TRIM15: variants seen among roughly 807,000 people sequenced by gnomAD.
The protein encoded by TRIM15 is tripartite motif containing 15.
A neutral mutation model predicts 35.8 loss-of-function variants in TRIM15; 35 were observed. The ratio of observed to expected loss-of-function variants is 0.98; its 90% confidence interval spans 0.75 to 1.30. The LOEUF (loss-of-function observed/expected upper bound fraction) is 1.30. Ranked by LOEUF, TRIM15 falls within the 50% of genes most tolerant of loss-of-function variation. The pLI, the probability that TRIM15 is intolerant of heterozygous loss-of-function variation, is 0.00. For missense variants in TRIM15, 590 were observed against 593.5 expected (o/e 0.99, Z 0.06); for synonymous variants, 252 against 249.8 (o/e 1.01, Z -0.08).
Position 30,171,976 on chromosome 6 carries a change from C to T in TRIM15, c.1025C>T (p.Pro342Leu), listed in dbSNP as rs1774053658. The change falls in exon 7 of 7, where the codon CCG becomes CTG. Residue 342 changes from proline (P) to leucine (L), a missense_variant. Transcript: ENST00000376694. ...FDGLPAVLGF[P>L]GFSSGRHRWQ... ...GGCCTCCCGGCGGTTCTGGGCTTCC[C>T]GGGCTTCTCCTCCGGGCGCCACCGC... 4 of 1,588,124 alleles carry T rather than the reference C, an allele frequency of 2.5e-6. No individual in the cohort carries two copies. Among genetic ancestry groups the T allele is most frequent in the Non-Finnish European group, 3.4e-6 (4 of 1,166,960 alleles).
At position 30,163,903 on chromosome 6, in the gene TRIM15, G is replaced by A. The variant is rs768458569; in HGVS notation, c.219G>A (p.Val73=). ...AGGCAGAGACTCCCATGGCCCCTGTGCCCCTGGGCCCGCTGGGAGAAACTT... is the reference window on the plus strand; with the variant it reads ...AGGCAGAGACTCCCATGGCCCCTGTACCCCTGGGCCCGCTGGGAGAAACTT... ...EEQAETPMAP[V]PLGPLGETYC... is the part of the protein sequence containing the mutation. The change falls in exon 1 of 7, where the codon GTG becomes GTA. Residue 73 remains valine, a synonymous_variant. Transcript: ENST00000376694. 12 of 1,612,972 alleles carry A rather than the reference G, an allele frequency of 7.4e-6. No individual in the cohort carries two copies. The highest frequency in any genetic ancestry group is 1.0e-5 in the Non-Finnish European group (12 of 1,180,038).
rs1023065421 is a variant in TRIM15 at position 30,167,267 on chromosome 6, T to C, written c.473T>C (p.Leu158Pro). 5.6e-6 allele frequency: 9 copies of C among 1,612,504 alleles called. No individual in the cohort carries two copies. Among genetic ancestry groups the C allele is most frequent in the African/African-American group, 2.7e-5 (2 of 74,934 alleles). Residue 158 changes from leucine to proline, a missense_variant, in exon 2 of 7, where the codon CTG (leucine) becomes CCG (proline). By Grantham distance (98) the Leu-to-Pro change is moderately conservative (BLOSUM62 -3). Transcript: ENST00000376694. ...KCQEDQKLQV[L>P]LTQIESKKHQ... is the part of the protein sequence containing the mutation. Reference sequence around the variant, plus strand: ...CAAGAAGACCAGAAGCTTCAAGTGCTGCTGGTACAGGCCACGTCACTGGCT... The same window carrying C: ...CAAGAAGACCAGAAGCTTCAAGTGCCGCTGGTACAGGCCACGTCACTGGCT...
chr6:30,164,090 G>A, intron 1 of TRIM15, 25 bp downstream of exon 1: 1 of 1,594,040 alleles, frequency 6.3e-7, no homozygotes, highest in Non-Finnish European at 8.6e-7. Flanking sequence ...TTTACCTAGG[G>A]CCTGTTTGGG....
In TRIM15 at chr6:30,163,746, G is replaced by T. The variant is rs373721924; in HGVS notation, c.62G>T (p.Gly21Val). Residue 21 changes from glycine to valine, a missense_variant, in exon 1 of 7, where the codon GGG (glycine) becomes GTG (valine). Gly to Val is a moderately radical substitution (Grantham distance 109). Coordinates refer to ENST00000376694, the MANE Select transcript of TRIM15 (RefSeq NM_033229.3). ...CTGCCTGCCTGTACCCTCTGTGCGG[G>T]GCCGCTGGAGGATGCGGTGACCATT... ...HELPACTLCA[G>V]PLEDAVTIPC... 8 of 1,612,866 alleles carry T rather than the reference G, an allele frequency of 5.0e-6. No individual in the cohort carries two copies. Among genetic ancestry groups the T allele is most frequent in the Non-Finnish European group, 6.8e-6 (8 of 1,180,026 alleles).
At chr6:30,170,877 GTCC>G in intron 5 of TRIM15, 96 bp from the exon 6 acceptor site, 1 of 1,379,800 alleles carries the variant, frequency 7.2e-7, no homozygotes, top group Non-Finnish European at 1.0e-6. Flanking sequence ...CGAGTCTTCT[GTCC>G]TCATCTTCAC....
intron 2 of TRIM15, 53 bp from the exon 3 acceptor site, chr6:30,168,247 G>A: frequency 6.7e-7 from 1 of 1,498,664 alleles, no homozygotes; most frequent in Non-Finnish European, 9.1e-7. Context: ...TGATCATCCT[G>A]GAAGCTATCT....
intron 1 of TRIM15, among the ~76,000 whole-genome samples, chr6:30,166,761 G>T (rs1303541041): frequency 6.6e-6 from 1 of 152,184 alleles, no homozygotes; most frequent in Non-Finnish European, 1.5e-5. Context: ...CCATTTGTCT[G>T]TGTTCTCTCT....
chr6:30,166,557 T>C (rs1471681816), intron 1 of TRIM15, among the ~76,000 whole-genome samples: 1 of 152,088 alleles, frequency 6.6e-6, no homozygotes, highest in Non-Finnish European at 1.5e-5. Context: ...AGCTTCATTC[T>C]TTTTGCTTAA....
intron 5 of TRIM15, 33 bp from the exon 6 acceptor site, chr6:30,170,943 A>G (rs1581608046): frequency 1.3e-5 from 21 of 1,606,258 alleles, no homozygotes; most frequent in Non-Finnish European, 1.8e-5. Flanking sequence ...GTAATAAGTC[A>G]CAGATCTCTC....
In TRIM15 at chr6:30,163,811, C is replaced by T. The variant is rs561138914; in HGVS notation, c.127C>T (p.Leu43Phe). 4 of 1,613,050 alleles carry T rather than the reference C, an allele frequency of 2.5e-6. No homozygotes were observed. Among genetic ancestry groups the T allele is most frequent in the African/African-American group, 2.7e-5 (2 of 75,058 alleles). ...CTTCTGCCGGCTCTGCCTCCCCGCGCTCTCCCAGATGGGGGCCCAATCCTC... is the reference window on the plus strand; with the variant it reads ...CTTCTGCCGGCTCTGCCTCCCCGCGTTCTCCCAGATGGGGGCCCAATCCTC... ...HTFCRLCLPA[L>F]SQMGAQSSGK... Residue 43 changes from leucine (L) to phenylalanine (F), a missense_variant, in exon 1 of 7, where the codon CTC becomes TTC. Coordinates refer to ENST00000376694, the MANE Select transcript of TRIM15 (RefSeq NM_033229.3).
intron 4 of TRIM15, 99 bp from the exon 5 acceptor site, chr6:30,170,402 G>A (rs972549021): frequency 1.4e-5 from 10 of 704,236 alleles, no homozygotes; most frequent in South Asian, 7.1e-5. Flanking sequence ...CACCACAGAC[G>A]CCAAGATCAT....
rs745378049 is a variant in TRIM15, at chr6:30,172,167, C to T, written c.1216C>T (p.Leu406=). ...GGCCAGCACCTCCCCGGGCACCGAC[C>T]TGCCGCTGAGCGAGATCCCGCGCGG... is the stretch of plus-strand genomic sequence containing the variant. ...CWASTSPGTD[L]PLSEIPRGVR... Residue 406 remains leucine (L), a synonymous_variant, in exon 7 of 7, where the codon CTG becomes TTG. Transcript: ENST00000376694. 6 of 1,600,568 alleles carry T rather than the reference C, an allele frequency of 3.7e-6. No individual in the cohort carries two copies. The highest frequency in any genetic ancestry group is 5.1e-6 in the Non-Finnish European group (6 of 1,174,184).
intron 4 of TRIM15, among the ~76,000 whole-genome samples, chr6:30,170,097 G>T (rs1401686111): frequency 1.3e-5 from 2 of 152,158 alleles, no homozygotes; most frequent in South Asian, 2.1e-4. Context: ...ATATATTTTC[G>T]TTGATCCTTT....
Position 30,168,255 on chromosome 6 carries a change from T to C in TRIM15, c.478-45T>C, listed in dbSNP as rs369246198. On this transcript the variant is annotated intron_variant, in intron 2 of 6. Coordinates refer to ENST00000376694, the MANE Select transcript of TRIM15 (RefSeq NM_033229.3). ...ATATAGATGATCATCCTGGAAGCTA[T>C]CTCTGAGCCCCTTCCTAACCATGTC... 483 of 1,543,332 alleles carry C rather than the reference T, an allele frequency of 3.1e-4. No individual in the cohort carries two copies. The Middle Eastern group carries it at 3.4e-3, about 11-fold the overall frequency.
intron 1 of TRIM15, among the ~76,000 whole-genome samples, chr6:30,166,632 TC>T (rs144430371): frequency 0.14 from 21,144 of 152,216 alleles, 1,914 homozygotes; most frequent in East Asian, 0.32. Flanking sequence ...TTTTTCTAAT[TC>T]TGTGAAGAAA....
At chr6:30,171,762 G>C (rs1160364725) in intron 6 of TRIM15, 70 bp from the exon 7 acceptor site, 2 of 1,442,878 alleles carry the variant, frequency 1.4e-6, no homozygotes, top group East Asian at 5.1e-5. Flanking sequence ...TGCCTCCCAC[G>C]TGCGTTGCCT....
chr6:30,167,354 T>G, intron 2 of TRIM15, 83 bp downstream of exon 2: 2 of 1,165,458 alleles, frequency 1.7e-6, no homozygotes, highest in Non-Finnish European at 2.5e-6. Flanking sequence ...GGTATCTGTT[T>G]CCTGGCTGAA....
At chr6:30,164,195 G>A (rs1044226737) in intron 1 of TRIM15, 130 bp downstream of exon 1, 1 of 1,341,016 alleles carries the variant, frequency 7.5e-7, no homozygotes, top group Non-Finnish European at 1.0e-6. Context: ...AGGGACTTTC[G>A]AGGCATTCCC....
chr6:30,168,297 A>T lies in TRIM15; in HGVS notation c.478-3A>T. 6.2e-7 allele frequency: 1 copy of T among 1,612,012 alleles called. No homozygotes were observed. On this transcript the variant is annotated splice_polypyrimidine_tract_variant and splice_region_variant and intron_variant, in intron 2 of 6. Coordinates refer to ENST00000376694, the MANE Select transcript of TRIM15 (RefSeq NM_033229.3). The stretch of plus-strand genomic sequence containing the variant: ...AACCATGTCTGCCTTTTATCCCTTG[A>T]AGACTCAGATCGAAAGCAAGAAGCA...
Sources: gnomAD v4.1 joint callset for allele counts (sites outside exome capture counted in the v4.1 genomes callset) on GRCh38, gnomAD v4.1.1 for gene constraint, MANE v1.5 for transcripts, NCBI Gene and HGNC (gene_info 2026-07-23, HGNC 2026-07-21) for gene names.